The following PARD3 variants were observed in gnomAD, a reference collection of about 807,000 sequenced individuals.
PARD3 encodes partitioning defective 3 homolog.
Under a neutral mutation model 155.4 loss-of-function variants are expected in PARD3, and 75 were observed. The ratio of observed to expected loss-of-function variants is 0.48; its 90% CI spans 0.40 to 0.58. PARD3 has a LOEUF of 0.58. PARD3 is among the 20% of genes least tolerant of loss of function. PARD3 has a pLI of 0.00. For synonymous variants in PARD3, 576 were observed against 610.5 expected (o/e 0.94, Z 0.83); for missense variants, 1,642 against 1,721.7 (o/e 0.95, Z 0.82).
intron 2 of PARD3, among the ~76,000 whole-genome samples, chr10:34,683,336 T>A (rs2133359701): frequency 6.6e-6 from 1 of 151,964 alleles, no homozygotes; most frequent in Admixed American, 6.6e-5. Flanking sequence ...AATCCCATCA[T>A]CACCCAATAT....
chr10:34,322,185 A>G (rs1412350849), intron 19 of PARD3, among the ~76,000 whole-genome samples: 1 of 152,202 alleles, frequency 6.6e-6, no homozygotes, highest in Non-Finnish European at 1.5e-5. Context: ...GACTCAATGG[A>G]CATATCCATG....
chr10:34,468,430 A>T (rs1169357510), intron 4 of PARD3, among the ~76,000 whole-genome samples: 1 of 152,240 alleles, frequency 6.6e-6, no homozygotes. Context: ...AAATTTTTTT[A>T]AACTGCCAGC....
chr10:34,119,612 C>A lies in PARD3; in HGVS notation c.3668+1G>T. ...GGAGGCTCGGCCAAGCGTCCTCATACCGAGGCAGAGAGCTGTACTGGCGCT... is the reference window on the plus strand; with the variant it reads ...GGAGGCTCGGCCAAGCGTCCTCATAACGAGGCAGAGAGCTGTACTGGCGCT... On this transcript the variant is annotated splice_donor_variant, in intron 24 of 24. Transcript: ENST00000374788. LOFTEE classifies it high-confidence loss of function. 1.3e-6 allele frequency: 2 copies of A among 1,598,456 alleles called. No individual in the cohort carries two copies. The highest frequency in any genetic ancestry group is 8.5e-7 in the Non-Finnish European group (1 of 1,169,696).
chr10:34,694,786 C>T (rs1172360097), intron 2 of PARD3, among the ~76,000 whole-genome samples: 1 of 152,250 alleles, frequency 6.6e-6, no homozygotes, highest in African/African-American at 2.4e-5. Context: ...CAAATTTATA[C>T]ACTATTTGGT....
chr10:34,401,688 T>C lies in PARD3; in HGVS notation c.806+138A>G. ...TAACTCAAGAGATGAAAGATGTTCT[T>C]TAGAAAAACAAATCAATGCACGGCA... On this transcript the variant is annotated intron_variant, in intron 6 of 24. Coordinates refer to ENST00000374788, the MANE Select transcript of PARD3 (RefSeq NM_001184785.2). 4 of 694,826 alleles carry C rather than the reference T, an allele frequency of 5.8e-6. No individual in the cohort carries two copies. In the East Asian group the frequency reaches 1.0e-4, roughly 17 times the overall value. 43.0% of individuals were successfully genotyped at this position (694,826 alleles called of 1,614,324 possible).
chr10:34,391,789 A>G (rs1018105367), intron 7 of PARD3, among the ~76,000 whole-genome samples: 1 of 152,274 alleles, frequency 6.6e-6, no homozygotes, highest in African/African-American at 2.4e-5. Context: ...AATGCAAATA[A>G]TAATACTTAT....
intron 22 of PARD3, among the ~76,000 whole-genome samples, chr10:34,132,136 TC>T (rs1205514316): frequency 6.6e-6 from 1 of 152,192 alleles, no homozygotes; most frequent in Admixed American, 6.5e-5. Context: ...TCATCAGAGG[TC>T]TATAAATAAA....
At chr10:34,128,408 C>A (rs575484221) in intron 23 of PARD3, among the ~76,000 whole-genome samples, 24 of 152,306 alleles carry the variant, frequency 1.6e-4, no homozygotes, top group African/African-American at 5.5e-4. Context: ...TTAATAACAT[C>A]TTCTTTCTAG....
At chr10:34,164,201 C>T (rs982652856) in intron 22 of PARD3, among the ~76,000 whole-genome samples, 1 of 152,138 alleles carries the variant, frequency 6.6e-6, no homozygotes, top group Non-Finnish European at 1.5e-5. Context: ...TAAAAAAAAC[C>T]TGCTTCTGTT....
At chr10:34,734,839 G>C (rs1458136029) in intron 1 of PARD3, among the ~76,000 whole-genome samples, 1 of 152,062 alleles carries the variant, frequency 6.6e-6, no homozygotes, top group Non-Finnish European at 1.5e-5. Context: ...CAAGACACTA[G>C]ATGTTAATAC....
intron 22 of PARD3, among the ~76,000 whole-genome samples, chr10:34,227,879 T>C (rs1210994375): frequency 7.3e-6 from 1 of 137,784 alleles, no homozygotes; most frequent in African/African-American, 2.7e-5. Context: ...TATATATATA[T>C]ATATACTGGG....
intron 22 of PARD3, among the ~76,000 whole-genome samples, chr10:34,207,781 C>T (rs1951548512): frequency 6.6e-6 from 1 of 152,096 alleles, no homozygotes; most frequent in African/African-American, 2.4e-5. Context: ...AATAGGAAAA[C>T]CCAGCATGAA....
chr10:34,568,529 G>A (rs1432382260), intron 2 of PARD3, among the ~76,000 whole-genome samples: 2 of 152,098 alleles, frequency 1.3e-5, no homozygotes, highest in Non-Finnish European at 2.9e-5. Context: ...AAAAATCATA[G>A]GGGTTTAATT....
intron 7 of PARD3, among the ~76,000 whole-genome samples, chr10:34,391,771 T>G (rs1284198506): frequency 1.3e-5 from 2 of 152,254 alleles, no homozygotes; most frequent in Non-Finnish European, 2.9e-5. Flanking sequence ...ATATTCAGGT[T>G]TAAATAGAAT....
chr10:34,660,190 T>C (rs1273334229), intron 2 of PARD3, among the ~76,000 whole-genome samples: 2 of 152,182 alleles, frequency 1.3e-5, no homozygotes, highest in Non-Finnish European at 2.9e-5. Context: ...ACATGCAATT[T>C]TTCCCCTGCC....
chr10:34,695,713 A>G (rs566556838), intron 2 of PARD3, among the ~76,000 whole-genome samples: 157 of 152,308 alleles, frequency 1.0e-3, no homozygotes, highest in Non-Finnish European at 1.2e-3. Context: ...CACACAGAGC[A>G]TCAGAGCACT....
intron 22 of PARD3, among the ~76,000 whole-genome samples, chr10:34,268,821 T>C (rs1453187142): frequency 1.3e-5 from 2 of 152,142 alleles, no homozygotes; most frequent in Admixed American, 6.5e-5. Context: ...GAGATATACC[T>C]AATGTAAATG....
At chr10:34,651,467 C>T (rs2093012460) in intron 2 of PARD3, among the ~76,000 whole-genome samples, 1 of 152,200 alleles carries the variant, frequency 6.6e-6, no homozygotes, top group African/African-American at 2.4e-5. Flanking sequence ...ACCAGCCAGA[C>T]GTGGGTGTCC....
chr10:34,671,601 C>A (rs1192600247), intron 2 of PARD3, among the ~76,000 whole-genome samples: 1 of 152,124 alleles, frequency 6.6e-6, no homozygotes, highest in Non-Finnish European at 1.5e-5. Flanking sequence ...GAGTTGCTAT[C>A]ACCATACAAG....
Sources: gnomAD v4.1 joint callset for allele counts (sites outside exome capture counted in the v4.1 genomes callset) on GRCh38, gnomAD v4.1.1 for gene constraint, MANE v1.5 for transcripts, NCBI Gene and HGNC (gene_info 2026-07-23, HGNC 2026-07-21) for gene names.